The following PCDH9 variants were observed in gnomAD, a reference collection of about 807,000 sequenced individuals.
PCDH9 encodes the protein protocadherin 9.
PCDH9 carries 24 observed loss-of-function variants against 70.6 expected under a neutral mutation model. The observed-to-expected ratio is 0.34, with a 90% CI of 0.25 to 0.48. The LOEUF (loss-of-function observed/expected upper bound fraction) is 0.48. Among genes scored for constraint, PCDH9 ranks in the 20% least tolerant of loss-of-function variants. The probability of loss-of-function intolerance (pLI) is 0.99; values close to 1 mark genes in which losing one functional copy is unlikely to be tolerated. For synonymous variants in PCDH9, 562 were observed against 558.5 expected (o/e 1.01, Z -0.09); for missense variants, 1,281 against 1,503.6 (o/e 0.85, Z 2.45).
chr13:66,398,894 T>C (rs1487702646), intron 4 of PCDH9, among the ~76,000 whole-genome samples: 1 of 152,152 alleles, frequency 6.6e-6, no homozygotes. Flanking sequence ...ATTTGTTGAT[T>C]ATGCTACCAA....
chr13:66,445,443 T>A (rs1303512510), intron 4 of PCDH9, among the ~76,000 whole-genome samples: 1 of 145,244 alleles, frequency 6.9e-6, no homozygotes, highest in Non-Finnish European at 1.5e-5. Context: ...GATGTAGATG[T>A]GTGTATATAT....
chr13:66,809,664 T>C (rs551973854), intron 3 of PCDH9, among the ~76,000 whole-genome samples: 1 of 152,328 alleles, frequency 6.6e-6, no homozygotes, highest in African/African-American at 2.4e-5. Context: ...TTCAGGTCAC[T>C]GGTTTCTAAT....
intron 3 of PCDH9, among the ~76,000 whole-genome samples, chr13:66,868,854 T>A (rs1178453656): frequency 6.6e-6 from 1 of 152,154 alleles, no homozygotes. Flanking sequence ...GACACTTTGC[T>A]AGGAATTGTA....
rs745720767 is a variant in PCDH9, at chr13:67,226,734, G to T, written c.1707C>A (p.Ser569Arg). The T allele has an allele frequency of 3.7e-6, 6 of 1,614,122 alleles. No individual in the cohort carries two copies. Among genetic ancestry groups the T allele is most frequent in the Non-Finnish European group, 4.2e-6 (5 of 1,180,010 alleles). Residue 569 changes from serine to arginine, a missense_variant, in exon 2 of 5, where the codon AGC (serine) becomes AGA (arginine). By Grantham distance (110) the Ser-to-Arg change is moderately radical. Coordinates refer to ENST00000377865, the MANE Select transcript of PCDH9 (RefSeq NM_203487.3). The surrounding 1 kb of genome is among the most constrained non-coding windows in gnomAD (Gnocchi z 5.0). Reference sequence around the variant, plus strand: ...GAAAATGATTATGAGTAAACTTGGGGCTATTGTCATTCTCATCCAGAACAG... The same window carrying T: ...GAAAATGATTATGAGTAAACTTGGGTCTATTGTCATTCTCATCCAGAACAG... ...IVTVLDENDN[S>R]PKFTHNHFQF...
chr13:67,205,819 A>C (rs1238221767), intron 2 of PCDH9: 2 of 152,250 alleles, frequency 1.3e-5, no homozygotes, highest in Non-Finnish European at 2.9e-5. Flanking sequence ...ATATACGTCC[A>C]TTATAATAAT....
At chr13:66,614,727 C>A (rs1283903429) in intron 4 of PCDH9, among the ~76,000 whole-genome samples, 9 of 152,128 alleles carry the variant, frequency 5.9e-5, no homozygotes, top group Non-Finnish European at 1.2e-4. Flanking sequence ...AGCATTTGAA[C>A]ATAAATTTTA....
chr13:66,878,091 A>G (rs2081850890), intron 3 of PCDH9, among the ~76,000 whole-genome samples: 1 of 152,228 alleles, frequency 6.6e-6, no homozygotes. Context: ...AAAAATAATG[A>G]CTGAGTTCTA....
chr13:66,811,116 T>A (rs558665112), intron 3 of PCDH9, among the ~76,000 whole-genome samples: 10 of 152,186 alleles, frequency 6.6e-5, no homozygotes, highest in Non-Finnish European at 1.0e-4. Flanking sequence ...TTCCTCAAAT[T>A]TGTTTACAAA....
At chr13:66,800,790 A>G (rs1467649514) in intron 3 of PCDH9, among the ~76,000 whole-genome samples, 1 of 152,134 alleles carries the variant, frequency 6.6e-6, no homozygotes, top group Non-Finnish European at 1.5e-5. Flanking sequence ...TTTTACAAAC[A>G]TATTTAACAA....
intron 3 of PCDH9, among the ~76,000 whole-genome samples, chr13:66,854,581 A>G (rs183885609): frequency 6.6e-5 from 10 of 152,206 alleles, no homozygotes; most frequent in Admixed American, 6.5e-4. Flanking sequence ...TTCAGCTCTC[A>G]TATTGTAACC....
intron 4 of PCDH9, among the ~76,000 whole-genome samples, chr13:66,499,593 G>A (rs961093855): frequency 2.0e-5 from 3 of 152,164 alleles, no homozygotes; most frequent in Non-Finnish European, 4.4e-5. Flanking sequence ...AGTGGGTGGT[G>A]GCTCAGAATA....
intron 2 of PCDH9, among the ~76,000 whole-genome samples, chr13:67,092,225 G>C (rs1408693137): frequency 6.6e-6 from 1 of 151,868 alleles, no homozygotes; most frequent in Non-Finnish European, 1.5e-5. Flanking sequence ...TCTATATCGA[G>C]GATCTATTGT....
intron 4 of PCDH9, among the ~76,000 whole-genome samples, chr13:66,390,317 C>T (rs931489501): frequency 8.6e-5 from 13 of 151,998 alleles, no homozygotes; most frequent in Admixed American, 2.0e-4. Context: ...TTCACTCTCA[C>T]GGCAAAAAGA....
intron 2 of PCDH9, among the ~76,000 whole-genome samples, chr13:67,127,663 C>CATATAT (rs1261069230): frequency 1.6e-4 from 19 of 116,506 alleles, no homozygotes; most frequent in African/African-American, 6.2e-4. Flanking sequence ...ACTTTTTTAT[C>CATATAT]ATATATATAT....
At chr13:67,181,314 T>C (rs1566479094) in intron 2 of PCDH9, among the ~76,000 whole-genome samples, 1 of 152,192 alleles carries the variant, frequency 6.6e-6, no homozygotes, top group Admixed American at 6.6e-5. Context: ...GGGAGAATAA[T>C]CATAAGAAGC....
intron 4 of PCDH9, among the ~76,000 whole-genome samples, chr13:66,480,372 A>G (rs1212984906): frequency 6.6e-6 from 1 of 152,208 alleles, no homozygotes; most frequent in East Asian, 1.9e-4. Flanking sequence ...GAAGATACTG[A>G]GAACATTGTT....
intron 4 of PCDH9, among the ~76,000 whole-genome samples, chr13:66,580,469 C>T (rs551535193): frequency 3.3e-5 from 5 of 151,982 alleles, no homozygotes; most frequent in Admixed American, 2.0e-4. Context: ...AGTCATTAAA[C>T]CTTGAATGAA....
intron 4 of PCDH9, among the ~76,000 whole-genome samples, chr13:66,328,915 T>C (rs1490028263): frequency 2.0e-5 from 3 of 152,326 alleles, no homozygotes; most frequent in Admixed American, 2.0e-4. Flanking sequence ...TTAAGCCTTC[T>C]TTTTGTCTCT....
intron 2 of PCDH9, among the ~76,000 whole-genome samples, chr13:66,993,071 T>A (rs2084036625): frequency 6.6e-6 from 1 of 152,080 alleles, no homozygotes; most frequent in Non-Finnish European, 1.5e-5. Context: ...CAAAAAATAA[T>A]TTGCAATCTT....
Sources: allele counts gnomAD v4.1 joint callset (sites outside exome capture counted in the v4.1 genomes callset), GRCh38; gene constraint gnomAD v4.1.1; non-coding constraint Gnocchi (gnomAD v3.1); transcripts MANE v1.5; gene names NCBI Gene and HGNC (gene_info 2026-07-23, HGNC 2026-07-21).